SANBR: variants seen among roughly 807,000 people sequenced by gnomAD.
SANBR encodes the protein SANT and BTB domain regulator of CSR.
SANBR carries 77 observed loss-of-function variants against 101.8 expected under a neutral mutation model. The ratio of observed to expected loss-of-function variants is 0.76; its 90% confidence interval spans 0.63 to 0.91. SANBR has a LOEUF of 0.91. Ranked by LOEUF, SANBR falls within the 40% of genes least tolerant of loss-of-function variation. The pLI is 0.00. For synonymous variants in SANBR, 279 were observed against 274.7 expected (o/e 1.02, Z -0.15); for missense variants, 875 against 853.0 (o/e 1.03, Z -0.32).
intron 12 of SANBR, among the ~76,000 whole-genome samples, chr2:61,098,135 G>A (rs1423170400): frequency 4.8e-5 from 7 of 144,882 alleles, no homozygotes; most frequent in Admixed American, 7.1e-5. Context: ...ATGGGGTCTC[G>A]CTCTGTTGCC....
chr2:61,066,310 C>T (rs1462779998), intron 1 of SANBR: 2 of 152,918 alleles, frequency 1.3e-5, no homozygotes, highest in African/African-American at 2.4e-5. Flanking sequence ...CGGCCGCGCC[C>T]CGGGCCTCTG....
chr2:61,099,501 A>G (rs1195086013), intron 12 of SANBR, among the ~76,000 whole-genome samples: 1 of 152,214 alleles, frequency 6.6e-6, no homozygotes. Flanking sequence ...GAAGCAGCAG[A>G]CGGAAATCAG....
intron 16 of SANBR, among the ~76,000 whole-genome samples, chr2:61,113,160 G>GTGTT (rs1395302054): frequency 1.3e-5 from 2 of 152,136 alleles, no homozygotes; most frequent in Non-Finnish European, 2.9e-5. Flanking sequence ...TTTCCAAACT[G>GTGTT]TGTTTTCTTC....
At chr2:61,134,109 G>T in intron 20 of SANBR, 1 of 1,613,470 alleles carries the variant, frequency 6.2e-7, no homozygotes, top group East Asian at 2.2e-5. Flanking sequence ...TCATGCATAG[G>T]GTAGTGTTAT....
At chr2:61,070,526 C>A in intron 3 of SANBR, 26 bp downstream of exon 3, 2 of 1,587,566 alleles carry the variant, frequency 1.3e-6, no homozygotes, top group Non-Finnish European at 1.7e-6. Flanking sequence ...CCCAGAATAT[C>A]TCCTGAAAAT....
intron 20 of SANBR, among the ~76,000 whole-genome samples, chr2:61,132,332 T>C (rs1684713657): frequency 6.6e-6 from 1 of 152,054 alleles, no homozygotes; most frequent in African/African-American, 2.4e-5. Flanking sequence ...AAAAGAAAAA[T>C]AACCCAATTT....
At chr2:61,114,796 C>G (rs942985920) in intron 16 of SANBR, among the ~76,000 whole-genome samples, 1 of 152,136 alleles carries the variant, frequency 6.6e-6, no homozygotes, top group Non-Finnish European at 1.5e-5. Flanking sequence ...GCTGGGACCA[C>G]AGGTGTGCAC....
chr2:61,080,930 T>C (rs538664771), intron 6 of SANBR, among the ~76,000 whole-genome samples: 3 of 152,136 alleles, frequency 2.0e-5, no homozygotes, highest in Non-Finnish European at 4.4e-5. Flanking sequence ...TCAGGCGGCA[T>C]CCCCCTTTCT....
intron 6 of SANBR, among the ~76,000 whole-genome samples, chr2:61,078,626 T>C (rs937529937): frequency 6.6e-6 from 1 of 152,146 alleles, no homozygotes; most frequent in South Asian, 2.1e-4. Flanking sequence ...TTTGCCTTGT[T>C]TGTCAGGCTG....
intron 16 of SANBR, among the ~76,000 whole-genome samples, chr2:61,113,035 T>C (rs1019046631): frequency 1.3e-5 from 2 of 152,206 alleles, no homozygotes; most frequent in African/African-American, 4.8e-5. Flanking sequence ...CTTCCTTTTT[T>C]TCCATAGGCA....
chr2:61,121,217 A>G lies in SANBR; in HGVS notation c.2061A>G (p.Ala687=), dbSNP rs765841789. 2.6e-6 allele frequency: 4 copies of G among 1,551,182 alleles called. No individual in the cohort carries two copies. The highest frequency in any genetic ancestry group is 1.4e-5 in the African/African-American group (1 of 73,026). The part of the protein sequence containing the change: ...FAGGIYSRLE[A]QIKASVPVSA... ...GAGGTATTTATTCCAGGCTGGAAGC[A>G]CAAATCAAGGCCTCAGTGCCAGTTA... The change falls in exon 21 of 22, where the codon GCA becomes GCG. Residue 687 remains alanine (A), a synonymous_variant. Transcript: ENST00000402291.
At chr2:61,137,066 C>T (rs148239372) in intron 21 of SANBR, among the ~76,000 whole-genome samples, 17 of 151,904 alleles carry the variant, frequency 1.1e-4, no homozygotes, top group Admixed American at 6.6e-4. Flanking sequence ...GTAGGAAGAT[C>T]GCTTGAGAAT....
chr2:61,123,837 A>T lies in SANBR; in HGVS notation c.*1675A>T. Reference sequence around the variant, plus strand: ...CCAGGTGTAGTGGCTCACGCCAGTAATCCCAGCACTTTGGGAGGCCGAGGC... The same window carrying T: ...CCAGGTGTAGTGGCTCACGCCAGTATTCCCAGCACTTTGGGAGGCCGAGGC... On this transcript the variant is annotated 3_prime_UTR_variant, in exon 22 of 22. Transcript: ENST00000402291. The T allele has an allele frequency of 1.0e-6, 1 of 972,780 alleles. No individual in the cohort carries two copies. Among genetic ancestry groups the T allele is most frequent in the Non-Finnish European group, 1.2e-6 (1 of 818,358 alleles). The allele number at this position is 972,780 out of a possible 1,614,324, so 60.3% of individuals were successfully genotyped here.
rs1221402612 is a variant in SANBR at position 61,088,242 on chromosome 2, A to G, written c.974A>G (p.Tyr325Cys). The change falls in exon 9 of 22, where the codon TAT becomes TGT. Residue 325 changes from tyrosine to cysteine, a missense_variant. Tyr to Cys is a radical substitution (Grantham distance 194). Transcript: ENST00000402291. ...PDSRSNAATLYRCCLCKKLLT... is the reference protein window; with the variant it reads ...PDSRSNAATLCRCCLCKKLLT... ...TCTCGGAGTAATGCAGCAACATTGTATAGGTATGCTAACATGTTTTTTTCT... is the reference window on the plus strand; with the variant it reads ...TCTCGGAGTAATGCAGCAACATTGTGTAGGTATGCTAACATGTTTTTTTCT... 3.7e-6 allele frequency: 6 copies of G among 1,606,174 alleles called. No individual in the cohort carries two copies. The highest frequency in any genetic ancestry group is 4.3e-6 in the Non-Finnish European group (5 of 1,175,542).
intron 11 of SANBR, 51 bp from the exon 12 acceptor site, chr2:61,097,649 A>G (rs60829129): frequency 0.039 from 53,697 of 1,382,092 alleles, 4,463 homozygotes; most frequent in African/African-American, 0.34. Flanking sequence ...TTTTTGAAAC[A>G]TATAATTTTG....
At chr2:61,134,265 G>T in exon 21 of SANBR, 1 of 1,564,602 alleles carries the variant, frequency 6.4e-7, no homozygotes, top group Non-Finnish European at 8.7e-7. Context: ...TTGGAATACT[G>T]CTTGACATAT....
Position 61,108,356 on chromosome 2 carries a change from G to A in SANBR, c.1644+7G>A. 1 of 1,547,102 alleles carries A rather than the reference G, an allele frequency of 6.5e-7. No homozygotes were observed. The highest frequency in any genetic ancestry group is 2.3e-5 in the East Asian group (1 of 42,620). On this transcript the variant is annotated splice_region_variant and intron_variant, in intron 15 of 21. Coordinates refer to ENST00000402291, the MANE Select transcript of SANBR (RefSeq NM_001129993.3). ...AAACTGGACTCTACAACTGGTAAGT[G>A]AGCAATTACAGTTAGCATTCATGGA... is the stretch of plus-strand genomic sequence containing the variant.
chr2:61,086,609 CA>C (rs541483012), intron 8 of SANBR, among the ~76,000 whole-genome samples: 21 of 152,010 alleles, frequency 1.4e-4, no homozygotes, highest in Non-Finnish European at 2.6e-4. Context: ...GGAATGCTGC[CA>C]TCACATAGAG....
chr2:61,113,455 T>A lies in SANBR; in HGVS notation c.1745-2524T>A, dbSNP rs1683930866. ...TTCCAATGGCAGTTCTTCCCATCCA[T>A]GAACATGGAATATCTCTCCATTTAT... On this transcript the variant is annotated intron_variant, in intron 16 of 21. Transcript: ENST00000402291. 1.3e-5 allele frequency among the ~76,000 whole-genome samples: 2 copies of A among 152,222 alleles called. 1 individual carries two copies. Among genetic ancestry groups the A allele is most frequent in the South Asian group, 4.1e-4 (2 of 4,836 alleles).
Sources: gnomAD v4.1 joint callset for allele counts (sites outside exome capture counted in the v4.1 genomes callset) on GRCh38, gnomAD v4.1.1 for gene constraint, MANE v1.5 for transcripts, NCBI Gene and HGNC (gene_info 2026-07-23, HGNC 2026-07-21) for gene names.